DPY19L4: variants seen among roughly 807,000 people sequenced by gnomAD.
The protein encoded by DPY19L4 is dpy-19 like 4.
In DPY19L4, 97 loss-of-function variants were observed where a neutral mutation model predicts 102.8. The ratio of observed to expected loss-of-function variants is 0.94; its 90% CI spans 0.80 to 1.12. DPY19L4 has a LOEUF of 1.12. Ranked by LOEUF, DPY19L4 falls within the 50% of genes most tolerant of loss-of-function variation. The probability of loss-of-function intolerance (pLI) is 0.00; values close to 1 mark genes in which losing one functional copy is unlikely to be tolerated. For synonymous variants in DPY19L4, 252 were observed against 283.1 expected, an observed-to-expected ratio of 0.89 and a Z score of 1.10; for missense variants, 815 against 850.4, an observed-to-expected ratio of 0.96 and a Z score of 0.52.
At position 94,773,057 on chromosome 8, in the gene DPY19L4, C is replaced by G. The variant is rs891284938; in HGVS notation, c.1454+2486C>G. ...TGAAACCCCGTCTTTATTAAAAATA[C>G]AAAAAAATTAGCTGGGTGTGGTGGC... On this transcript the variant is annotated intron_variant, in intron 13 of 18. Coordinates refer to ENST00000414645, the MANE Select transcript of DPY19L4 (RefSeq NM_181787.3). Among the ~76,000 whole-genome samples the G allele has an allele frequency of 2.0e-5, 3 of 151,460 alleles. No individual in the cohort carries two copies. The East Asian group carries it at 5.8e-4, about 29-fold the overall frequency.
In DPY19L4 at chr8:94,765,874, T is replaced by C. The variant is rs574705284; in HGVS notation, c.1101+65T>C. 1.5e-5 allele frequency: 16 copies of C among 1,055,126 alleles called. No homozygotes were observed. The East Asian group carries it at 4.0e-4, about 26-fold the overall frequency. The allele number at this position is 1,055,126 out of a possible 1,614,324, so 65.4% of individuals were successfully genotyped here. ...AATAATGAAATATATTGGACTACAT[T>C]TTAATGAGAATAATGAGATAGCACG... On this transcript the variant is annotated intron_variant, in intron 10 of 18. Transcript: ENST00000414645.
intron 2 of DPY19L4, 50 bp from the exon 3 acceptor site, chr8:94,734,580 A>G (rs1307361092): frequency 1.3e-6 from 2 of 1,543,232 alleles, no homozygotes; most frequent in Non-Finnish European, 1.8e-6. Context: ...TAATTACATC[A>G]TATCAAGGGT....
intron 6 of DPY19L4, 151 bp downstream of exon 6, chr8:94,739,941 G>A (rs1251379230): frequency 1.8e-6 from 2 of 1,085,406 alleles, no homozygotes; most frequent in Non-Finnish European, 1.3e-6. Context: ...ATGATACTTT[G>A]TATAGCACAT....
rs1386497118 is a variant in DPY19L4, at chr8:94,721,298, G to A, written c.16+1284G>A. 5.9e-5 allele frequency among the ~76,000 whole-genome samples: 9 copies of A among 152,302 alleles called. No homozygotes were observed. The East Asian group carries it at 1.3e-3, about 23-fold the overall frequency. ...AAGGAAGGAGTTTAAAGGATTCAGC[G>A]GAAAGCAATTTTTAAAAATTAAGCA... On this transcript the variant is annotated intron_variant, in intron 1 of 18. Coordinates refer to ENST00000414645, the MANE Select transcript of DPY19L4 (RefSeq NM_181787.3).
intron 6 of DPY19L4, among the ~76,000 whole-genome samples, chr8:94,742,159 C>T (rs1811470910): frequency 6.6e-6 from 1 of 151,948 alleles, no homozygotes; most frequent in Non-Finnish European, 1.5e-5. Flanking sequence ...GAGATAGAGA[C>T]CATCCTGGCT....
intron 2 of DPY19L4, among the ~76,000 whole-genome samples, chr8:94,730,345 G>A (rs1263864160): frequency 1.3e-5 from 2 of 152,180 alleles, no homozygotes; most frequent in African/African-American, 2.4e-5. Context: ...TATTTTAAGA[G>A]TTTGAGACCA....
In DPY19L4 at chr8:94,748,579, G is replaced by A. The variant is rs1474634957; in HGVS notation, c.612-7457G>A. ...CCATCAGAGGCCTGTTAGGAACCTG[G>A]CCTCACAGCAGGAGGTGAGTGGCAG... On this transcript the variant is annotated intron_variant, in intron 6 of 18. Coordinates refer to ENST00000414645, the MANE Select transcript of DPY19L4 (RefSeq NM_181787.3). 6.6e-5 allele frequency among the ~76,000 whole-genome samples: 10 copies of A among 152,076 alleles called. No individual in the cohort carries two copies. In the East Asian group the frequency reaches 1.7e-3, roughly 26 times the overall value.
chr8:94,782,880 T>C lies in DPY19L4; in HGVS notation c.1716-790T>C, dbSNP rs1428025160. The stretch of plus-strand genomic sequence containing the variant: ...GAGGAAGTTACATCTCTGTATGATT[T>C]ACCACAGTATTTTCAAAGACAGCAA... On this transcript the variant is annotated intron_variant, in intron 16 of 18. Transcript: ENST00000414645. 2.0e-5 allele frequency among the ~76,000 whole-genome samples: 3 copies of C among 152,356 alleles called. No homozygotes were observed. In the East Asian group the frequency reaches 5.8e-4, roughly 29 times the overall value.
At chr8:94,720,175 G>A (rs563502055) in intron 1 of DPY19L4, 161 bp downstream of exon 1, 2 of 985,428 alleles carry the variant, frequency 2.0e-6, no homozygotes, top group Admixed American at 6.1e-5. Flanking sequence ...GAGGACTGCG[G>A]AGAAATTCAG....
chr8:94,776,231 AC>A (rs1176085320), intron 13 of DPY19L4, among the ~76,000 whole-genome samples: 1 of 151,634 alleles, frequency 6.6e-6, no homozygotes, highest in Non-Finnish European at 1.5e-5. Flanking sequence ...ACGGGGTTTC[AC>A]CGTGTTGCCC....
chr8:94,766,480 C>A, intron 10 of DPY19L4, 132 bp from the exon 11 acceptor site: 1 of 718,858 alleles, frequency 1.4e-6, no homozygotes, highest in Non-Finnish European at 2.3e-6. Flanking sequence ...GCTTCATAGT[C>A]ATACCGTATA....
intron 1 of DPY19L4, among the ~76,000 whole-genome samples, chr8:94,723,689 C>T (rs961607144): frequency 9.2e-5 from 14 of 152,150 alleles, no homozygotes; most frequent in African/African-American, 3.1e-4. Context: ...TTTATCGAGT[C>T]GTACTTTTGG....
chr8:94,750,086 G>C (rs528558922), intron 6 of DPY19L4, among the ~76,000 whole-genome samples: 2 of 152,160 alleles, frequency 1.3e-5, no homozygotes, highest in Non-Finnish European at 2.9e-5. Flanking sequence ...CTCTTGAGTA[G>C]CTGGGACTAC....
In DPY19L4 at chr8:94,789,872, G is replaced by T. The variant is rs769208406; in HGVS notation, c.2134G>T (p.Val712Leu). ...TRVYWNRSYF[V>L]YKINTVISFQ... ...AGTATACTGGAACAGATCCTACTTT[G>T]TATATAAAATCAACACTGTGATATC... is the stretch of plus-strand genomic sequence containing the variant. The change falls in exon 19 of 19, where the codon GTA becomes TTA. Residue 712 changes from valine (V) to leucine (L), a missense_variant. Transcript: ENST00000414645. The T allele has an allele frequency of 2.5e-6, 4 of 1,603,442 alleles. No homozygotes were observed. The South Asian group carries it at 4.5e-5, about 18-fold the overall frequency.
At chr8:94,731,234 G>A (rs1335565837) in intron 2 of DPY19L4, among the ~76,000 whole-genome samples, 1 of 151,850 alleles carries the variant, frequency 6.6e-6, no homozygotes, top group Non-Finnish European at 1.5e-5. Context: ...TTGCCAAACT[G>A]CCACCCTAGA....
At chr8:94,749,713 G>A (rs1054003960) in intron 6 of DPY19L4, among the ~76,000 whole-genome samples, 2 of 152,170 alleles carry the variant, frequency 1.3e-5, no homozygotes, top group African/African-American at 4.8e-5. Context: ...ACAAGTTGGA[G>A]CAGCCTTGGA....
chr8:94,780,991 T>C lies in DPY19L4; in HGVS notation c.1633-93T>C, dbSNP rs1026066021. 5 of 1,041,216 alleles carry C rather than the reference T, an allele frequency of 4.8e-6. No homozygotes were observed. In the African/African-American group the frequency reaches 8.3e-5, roughly 17 times the overall value. The allele number at this position is 1,041,216 out of a possible 1,614,324, so 64.5% of individuals were successfully genotyped here. ...ATATCATTTGCCTTAAGTTAGTCTG[T>C]TAGTCTTTTGAAATACTGTGGAACA... On this transcript the variant is annotated intron_variant, in intron 15 of 18. Transcript: ENST00000414645.
intron 12 of DPY19L4, 60 bp downstream of exon 12, chr8:94,768,613 C>G: frequency 2.0e-6 from 2 of 987,980 alleles, no homozygotes; most frequent in Non-Finnish European, 1.4e-6. Context: ...ATATAAAATA[C>G]TTATTTTTAA....
chr8:94,721,632 A>G (rs983291957), intron 1 of DPY19L4, among the ~76,000 whole-genome samples: 1 of 152,236 alleles, frequency 6.6e-6, no homozygotes, highest in African/African-American at 2.4e-5. Flanking sequence ...GAGTACATTC[A>G]TGCTTAACTT....
Sources: allele counts gnomAD v4.1 joint callset (sites outside exome capture counted in the v4.1 genomes callset), GRCh38; gene constraint gnomAD v4.1.1; transcripts MANE v1.5; gene names NCBI Gene and HGNC (gene_info 2026-07-23, HGNC 2026-07-21).